The following BLVRB variants were observed in gnomAD, a reference collection of about 807,000 sequenced individuals.
BLVRB encodes the protein biliverdin reductase B.
Under a neutral mutation model 21.1 loss-of-function variants are expected in BLVRB, and 25 were observed. The ratio of observed to expected loss-of-function variants is 1.19; its 90% CI spans 0.86 to 1.66. The LOEUF (loss-of-function observed/expected upper bound fraction) is 1.66. Ranked by LOEUF, BLVRB falls within the 40% of genes most tolerant of loss-of-function variation. BLVRB has a pLI of 0.00. For missense variants in BLVRB, 274 were observed against 282.7 expected, an observed-to-expected ratio of 0.97 and a Z score of 0.22; for synonymous variants, 128 against 122.2, an observed-to-expected ratio of 1.05 and a Z score of -0.31.
chr19:40,456,188 T>C lies in BLVRB; in HGVS notation c.334+1967A>G, dbSNP rs1277854034. On this transcript the variant is annotated intron_variant, in intron 3 of 4. Coordinates refer to ENST00000263368, the MANE Select transcript of BLVRB (RefSeq NM_000713.3). ...CTTCAAATGGGTCAGAAAAAAAACA[T>C]TGTGTGTCTGTGAACAGAGGACGGT... is the stretch of plus-strand genomic sequence containing the variant. Among the ~76,000 whole-genome samples, 5 of 152,146 alleles carry C rather than the reference T, an allele frequency of 3.3e-5. No homozygotes were observed. The South Asian group carries it at 6.2e-4, about 19-fold the overall frequency.
chr19:40,458,338 C>A (rs200439555), intron 2 of BLVRB, 43 bp downstream of exon 2: 2 of 1,509,360 alleles, frequency 1.3e-6, no homozygotes, highest in Admixed American at 4.1e-5. Context: ...CGCTGGGGGC[C>A]GAGGTGTAGG....
At chr19:40,452,784 G>C (rs2079745683) in intron 3 of BLVRB, among the ~76,000 whole-genome samples, 1 of 151,994 alleles carries the variant, frequency 6.6e-6, no homozygotes, top group Non-Finnish European at 1.5e-5. Context: ...AGAATTGCTG[G>C]AACCCTTGAG....
At chr19:40,462,593 TG>T (rs2079792685) in intron 1 of BLVRB, among the ~76,000 whole-genome samples, 2 of 148,524 alleles carry the variant, frequency 1.3e-5, no homozygotes, top group African/African-American at 4.9e-5. Flanking sequence ...TTAAGCTTTT[TG>T]AAAATCTCAG....
chr19:40,463,700 G>A (rs2079798287), intron 1 of BLVRB, among the ~76,000 whole-genome samples: 1 of 150,704 alleles, frequency 6.6e-6, no homozygotes. Context: ...AACCTCCCAG[G>A]TTCAAGCGAT....
At chr19:40,465,162 T>C (rs1321234336) in intron 1 of BLVRB, among the ~76,000 whole-genome samples, 2 of 152,174 alleles carry the variant, frequency 1.3e-5, no homozygotes, top group Non-Finnish European at 2.9e-5. Context: ...CTGTGTGATA[T>C]TGGGCAAGTC....
At chr19:40,451,611 CA>C in intron 3 of BLVRB, 119 bp from the exon 4 acceptor site, 1 of 1,315,688 alleles carries the variant, frequency 7.6e-7, no homozygotes, top group South Asian at 1.6e-5. Context: ...CGGCTCACTG[CA>C]ACCTCTGCCT....
chr19:40,450,858 CTAT>C (rs1306499788), intron 4 of BLVRB, among the ~76,000 whole-genome samples: 1 of 151,132 alleles, frequency 6.6e-6, no homozygotes, highest in African/African-American at 2.4e-5. Flanking sequence ...ATCTATCTAT[CTAT>C]CTATCTATCT....
chr19:40,454,495 T>TC (rs1478765154), intron 3 of BLVRB, among the ~76,000 whole-genome samples: 1 of 151,888 alleles, frequency 6.6e-6, no homozygotes, highest in Non-Finnish European at 1.5e-5. Context: ...GTCTGCAGCC[T>TC]CCAGTCTCCA....
chr19:40,456,498 C>G (rs561954142), intron 3 of BLVRB, among the ~76,000 whole-genome samples: 88 of 147,048 alleles, frequency 6.0e-4, no homozygotes, highest in Non-Finnish European at 1.0e-3. Context: ...ACAATCTAAA[C>G]AAAAAAAAAT....
At position 40,465,710 on chromosome 19, in the gene BLVRB, A is replaced by C; in HGVS notation, c.-22T>G. 1 of 1,611,346 alleles carries C rather than the reference A, an allele frequency of 6.2e-7. No homozygotes were observed. Among genetic ancestry groups the C allele is most frequent in the Non-Finnish European group, 8.5e-7 (1 of 1,179,016 alleles). On this transcript the variant is annotated 5_prime_UTR_variant, in exon 1 of 5. Coordinates refer to ENST00000263368, the MANE Select transcript of BLVRB (RefSeq NM_000713.3). ...CCATCGTACGGGATCGTGGGGGTGCAAGGCCTCAGAGTCTCGGCACGCGCG... is the reference window on the plus strand; with the variant it reads ...CCATCGTACGGGATCGTGGGGGTGCCAGGCCTCAGAGTCTCGGCACGCGCG...
intron 4 of BLVRB, chr19:40,450,108 G>T (rs893801285): frequency 1.5e-5 from 2 of 132,482 alleles, no homozygotes; most frequent in Admixed American, 1.8e-4. Flanking sequence ...TGAGGCAGGA[G>T]AATCACTTGA....
Position 40,458,194 on chromosome 19 carries a change from T to C in BLVRB, c.295A>G (p.Lys99Glu), listed in dbSNP as rs374308013. The C allele has an allele frequency of 5.6e-6, 9 of 1,613,700 alleles. No homozygotes were observed. The African/African-American group carries it at 9.4e-5, about 17-fold the overall frequency. ...ACGACCTTGTCCACACCATGAGCCT[T>C]CATGGCTGCCACAATGTTCCGGGCG... ...EGARNIVAAM[K>E]AHGVDKVVAC... is the part of the protein sequence containing the mutation. Residue 99 changes from lysine (K) to glutamate (E), a missense_variant, in exon 3 of 5, where the codon AAG (lysine) becomes GAG (glutamate). Lys to Glu is a moderately conservative substitution (Grantham distance 56). Transcript: ENST00000263368.
At chr19:40,449,353 C>A (rs998702822) in intron 4 of BLVRB, among the ~76,000 whole-genome samples, 4 of 151,978 alleles carry the variant, frequency 2.6e-5, no homozygotes, top group African/African-American at 9.7e-5. Context: ...TCAAGCAATT[C>A]TTGTGCCTCA....
chr19:40,465,532 C>T (rs1568742721), intron 1 of BLVRB, 78 bp downstream of exon 1: 1 of 1,528,330 alleles, frequency 6.5e-7, no homozygotes, highest in Non-Finnish European at 8.8e-7. Flanking sequence ...CAATCAGCCT[C>T]GGCCCGACCC....
At position 40,464,119 on chromosome 19, in the gene BLVRB, C is replaced by T. The variant is rs559415942; in HGVS notation, c.79+1491G>A. Among the ~76,000 whole-genome samples the T allele has an allele frequency of 2.7e-5, 4 of 149,906 alleles. No individual in the cohort carries two copies. In the South Asian group the frequency reaches 6.4e-4, roughly 24 times the overall value. On this transcript the variant is annotated intron_variant, in intron 1 of 4. Coordinates refer to ENST00000263368, the MANE Select transcript of BLVRB (RefSeq NM_000713.3). ...TTAAATTTGAGAGACAGGGTCTCAC[C>T]CTGTCACCCAGGCTGGAGTGCAGTG...
At chr19:40,457,850 T>C in intron 3 of BLVRB, 1 of 400,888 alleles carries the variant, frequency 2.5e-6, no homozygotes, top group Non-Finnish European at 4.5e-6. Context: ...CATAGTCCTG[T>C]AGTTTCTCCC....
chr19:40,465,596 G>T lies in BLVRB; in HGVS notation c.79+14C>A, dbSNP rs781732391. The T allele has an allele frequency of 1.2e-6, 2 of 1,607,690 alleles. No individual in the cohort carries two copies. The highest frequency in any genetic ancestry group is 1.3e-5 in the African/African-American group (1 of 74,800). ...GTCTGTCCCGTGACATGCCCCGCCC[G>T]CCCCGGCTCATGCCTGCTTGCACCG... On this transcript the variant is annotated intron_variant, in intron 1 of 4. Coordinates refer to ENST00000263368, the MANE Select transcript of BLVRB (RefSeq NM_000713.3).
intron 1 of BLVRB, 23 bp downstream of exon 1, chr19:40,465,587 G>C (rs1599693529): frequency 6.2e-7 from 1 of 1,601,678 alleles, no homozygotes; most frequent in South Asian, 1.1e-5. Context: ...CCCGTGACAT[G>C]CCCCGCCCGC....
intron 1 of BLVRB, among the ~76,000 whole-genome samples, chr19:40,459,260 G>A (rs1017894133): frequency 4.4e-5 from 6 of 137,784 alleles, no homozygotes; most frequent in African/African-American, 8.3e-5. Context: ...CCCGACAGGC[G>A]GAGGTTGCAG....
Sources: allele counts gnomAD v4.1 joint callset (sites outside exome capture counted in the v4.1 genomes callset), GRCh38; gene constraint gnomAD v4.1.1; transcripts MANE v1.5; gene names NCBI Gene and HGNC (gene_info 2026-07-23, HGNC 2026-07-21).